DNAH14: variants seen among roughly 807,000 people sequenced by gnomAD.
The protein encoded by DNAH14 is dynein axonemal heavy chain 14.
Under a neutral mutation model 520.9 loss-of-function variants are expected in DNAH14, and 478 were observed. The observed-to-expected ratio is 0.92, with a 90% CI of 0.85 to 0.99. The LOEUF (loss-of-function observed/expected upper bound fraction) is 0.99. DNAH14 is among the 50% of genes least tolerant of loss of function. DNAH14 has a pLI of 0.00. For missense variants in DNAH14, 4,831 were observed against 5,234.5 expected (o/e 0.92, Z 2.38); for synonymous variants, 1,581 against 1,757.2 (o/e 0.90, Z 2.51).
At chr1:225,197,027 C>T (rs1559258650) in intron 38 of DNAH14, among the ~76,000 whole-genome samples, 1 of 147,326 alleles carries the variant, frequency 6.8e-6, no homozygotes, top group Non-Finnish European at 1.5e-5. Flanking sequence ...GTACCTTTTG[C>T]TGTGCAAAAC....
chr1:225,291,795 A>G (rs750222780), intron 55 of DNAH14, among the ~76,000 whole-genome samples: 39 of 151,976 alleles, frequency 2.6e-4, no homozygotes, highest in Non-Finnish European at 4.3e-4. Flanking sequence ...ATAGCTTATC[A>G]TGGTTTTGAT....
At chr1:225,028,823 A>G (rs1460722390) in intron 11 of DNAH14, among the ~76,000 whole-genome samples, 5 of 152,204 alleles carry the variant, frequency 3.3e-5, no homozygotes, top group Admixed American at 6.6e-5. Flanking sequence ...ATGAGGAGCA[A>G]CTGGAACTCT....
chr1:225,326,861 C>T (rs528615235), intron 64 of DNAH14, among the ~76,000 whole-genome samples: 50 of 150,452 alleles, frequency 3.3e-4, no homozygotes, highest in African/African-American at 1.2e-3. Context: ...AAAAAAAAAA[C>T]TTGAAAGCTT....
At chr1:225,129,843 C>T (rs1485143999) in intron 27 of DNAH14, among the ~76,000 whole-genome samples, 1 of 152,172 alleles carries the variant, frequency 6.6e-6, no homozygotes, top group Non-Finnish European at 1.5e-5. Context: ...TAAAGAGCTT[C>T]TGCACAGCAA....
intron 27 of DNAH14, among the ~76,000 whole-genome samples, chr1:225,129,151 C>T (rs2078097616): frequency 6.6e-6 from 1 of 151,776 alleles, no homozygotes; most frequent in Non-Finnish European, 1.5e-5. Flanking sequence ...CAAACCACTG[C>T]TCAATGAAAT....
chr1:225,179,047 C>T (rs1245634683), intron 36 of DNAH14, among the ~76,000 whole-genome samples: 5 of 152,286 alleles, frequency 3.3e-5, no homozygotes, highest in African/African-American at 9.6e-5. Context: ...TCCCCAGCCA[C>T]GTGGAACTGT....
At chr1:225,004,969 A>C (rs1422575835) in intron 9 of DNAH14, among the ~76,000 whole-genome samples, 1 of 152,160 alleles carries the variant, frequency 6.6e-6, no homozygotes, top group African/African-American at 2.4e-5. Context: ...GGTAAAGAAC[A>C]TATGTTCTTT....
chr1:225,223,079 G>A (rs1440849101), intron 41 of DNAH14, among the ~76,000 whole-genome samples: 1 of 152,016 alleles, frequency 6.6e-6, no homozygotes, highest in Non-Finnish European at 1.5e-5. Context: ...AAATAACAAA[G>A]AGAAAACAGA....
At chr1:225,009,028 A>G (rs1043789939) in intron 10 of DNAH14, among the ~76,000 whole-genome samples, 8 of 150,596 alleles carry the variant, frequency 5.3e-5, no homozygotes, top group African/African-American at 1.5e-4. Flanking sequence ...AGATGGATAG[A>G]TTGTAAAAAT....
rs552945434 is a variant in DNAH14, at chr1:225,169,259, G to A, written c.5535+1231G>A. 5.9e-5 allele frequency among the ~76,000 whole-genome samples: 9 copies of A among 152,318 alleles called. No individual in the cohort carries two copies. The South Asian group carries it at 1.2e-3, about 21-fold the overall frequency. ...AGAGCCTCTCCTCCTCCAAAGGAAC[G>A]CAGCTCCTCACCAGCAACGGAACAA... On this transcript the variant is annotated intron_variant, in intron 36 of 85. Transcript: ENST00000682510.
intron 10 of DNAH14, 112 bp downstream of exon 10, chr1:225,007,656 G>A (rs552444924): frequency 2.9e-5 from 26 of 905,330 alleles, no homozygotes; most frequent in African/African-American, 1.7e-5. Context: ...AAGGAACAAA[G>A]GTGGTTAATT....
At chr1:225,261,189 G>T (rs2092923416) in intron 46 of DNAH14, among the ~76,000 whole-genome samples, 1 of 152,166 alleles carries the variant, frequency 6.6e-6, no homozygotes, top group African/African-American at 2.4e-5. Flanking sequence ...AAAAGAAGTA[G>T]TGAGAGTGGG....
In DNAH14 at chr1:225,399,226, T is replaced by C. The variant is rs2150932588; in HGVS notation, c.13811T>C (p.Ile4604Thr). 6.4e-7 allele frequency: 1 copy of C among 1,551,704 alleles called. No individual in the cohort carries two copies. The highest frequency in any genetic ancestry group is 1.2e-5 in the South Asian group (1 of 84,066). The change falls in exon 86 of 86, where the codon ATC (isoleucine) becomes ACC (threonine). Residue 4604 changes from isoleucine to threonine, a missense_variant. Transcript: ENST00000682510. Reference protein sequence around the residue: ...LSTKKPPSHWITMRVALLCEK... With the variant: ...LSTKKPPSHWTTMRVALLCEK... Reference sequence around the variant, plus strand: ...ACGAAGAAACCTCCTAGTCACTGGATCACAATGCGGGTTGCATTGCTTTGT... The same window carrying C: ...ACGAAGAAACCTCCTAGTCACTGGACCACAATGCGGGTTGCATTGCTTTGT...
chr1:225,272,373 G>T (rs2093338199), intron 51 of DNAH14, among the ~76,000 whole-genome samples: 3 of 152,120 alleles, frequency 2.0e-5, no homozygotes, highest in Admixed American at 2.0e-4. Context: ...TTTTATTGTG[G>T]CTGTCAGAAA....
At chr1:225,323,715 C>T (rs1003252697) in intron 62 of DNAH14, among the ~76,000 whole-genome samples, 1 of 152,176 alleles carries the variant, frequency 6.6e-6, no homozygotes, top group African/African-American at 2.4e-5. Flanking sequence ...CCCCCCTGGG[C>T]GTCCCAAAGT....
chr1:225,061,891 G>C (rs79501796), intron 17 of DNAH14, among the ~76,000 whole-genome samples: 8,386 of 152,198 alleles, frequency 0.055, 472 homozygotes, highest in East Asian at 0.24. Context: ...GTAATGTTTA[G>C]AACATTGATT....
intron 35 of DNAH14, among the ~76,000 whole-genome samples, chr1:225,166,242 T>C (rs1245408894): frequency 6.6e-6 from 1 of 152,174 alleles, no homozygotes; most frequent in African/African-American, 2.4e-5. Flanking sequence ...TCTTATATAT[T>C]CATCTTTTCA....
chr1:225,383,065 G>A (rs1393425874), intron 81 of DNAH14, among the ~76,000 whole-genome samples: 1 of 152,220 alleles, frequency 6.6e-6, no homozygotes, highest in Non-Finnish European at 1.5e-5. Context: ...GAGAATGGAT[G>A]CTGAGAGGGT....
At chr1:225,075,453 TC>T (rs1379395856) in intron 17 of DNAH14, among the ~76,000 whole-genome samples, 3 of 152,206 alleles carry the variant, frequency 2.0e-5, no homozygotes, top group Non-Finnish European at 2.9e-5. Context: ...CCCTCCAAAT[TC>T]TTAAAAATTA....
Sources: gnomAD v4.1 joint callset for allele counts (sites outside exome capture counted in the v4.1 genomes callset) on GRCh38, gnomAD v4.1.1 for gene constraint, MANE v1.5 for transcripts, NCBI Gene and HGNC (gene_info 2026-07-23, HGNC 2026-07-21) for gene names.